The following DCTN1 variants were observed in gnomAD, a reference collection of about 807,000 sequenced individuals.
DCTN1 encodes the protein 150 kDa dynein-associated polypeptide.
DCTN1 carries 61 observed loss-of-function variants against 161.2 expected under a neutral mutation model. That is an observed-to-expected ratio of 0.38 (90% CI 0.31 to 0.47). DCTN1 has a LOEUF of 0.47. Ranked by LOEUF, DCTN1 falls within the 20% of genes least tolerant of loss-of-function variation. DCTN1 has a pLI of 0.99. For missense variants in DCTN1, 1,404 were observed against 1,623.7 expected (o/e 0.86, Z 2.33); for synonymous variants, 653 against 632.4 (o/e 1.03, Z -0.49).
chr2:74,377,347 T>C, intron 4 of DCTN1, 85 bp downstream of exon 4: 1 of 1,249,650 alleles, frequency 8.0e-7, no homozygotes, highest in Non-Finnish European at 1.2e-6. Flanking sequence ...CACCTACTAC[T>C]TCTACCTGCC....
chr2:74,368,032 A>G lies in DCTN1; in HGVS notation c.1954T>C (p.Phe652Leu). Residue 652 changes from phenylalanine (F) to leucine (L), a missense_variant, in exon 17 of 32, where the codon TTT (phenylalanine) becomes CTT (leucine). Coordinates refer to ENST00000628224, the MANE Select transcript of DCTN1 (RefSeq NM_004082.5). ...LRGAAGEQLSFAAGLVYSLSL... is the reference protein window; with the variant it reads ...LRGAAGEQLSLAAGLVYSLSL... The stretch of plus-strand genomic sequence containing the variant: ...AGCGAGTACACCAGTCCAGCAGCAA[A>G]GCTGAGTTGCTCCCCAGCAGCTCCT... 1 of 1,614,174 alleles carries G rather than the reference A, an allele frequency of 6.2e-7. No individual in the cohort carries two copies. The highest frequency in any genetic ancestry group is 8.5e-7 in the Non-Finnish European group (1 of 1,180,014).
upstream of DCTN1, among the ~76,000 whole-genome samples, chr2:74,382,468 C>T (rs1199181706): frequency 4.0e-5 from 6 of 151,658 alleles, no homozygotes; most frequent in East Asian, 9.8e-4. Context: ...GGTGTGGTGG[C>T]GCATACCTAT....
At chr2:74,386,312 T>C (rs765478271) in intron 1 of DCTN1, among the ~76,000 whole-genome samples, 1 of 152,184 alleles carries the variant, frequency 6.6e-6, no homozygotes, top group South Asian at 2.1e-4. Context: ...ATTCATCAAA[T>C]ACAAGCGCTA....
In DCTN1 at chr2:74,367,745, T is replaced by A; in HGVS notation, c.2135A>T (p.Asp712Val). The A allele has an allele frequency of 6.2e-7, 1 of 1,614,166 alleles. No individual in the cohort carries two copies. The highest frequency in any genetic ancestry group is 8.5e-7 in the Non-Finnish European group (1 of 1,180,028). Residue 712 changes from aspartate (D) to valine (V), a missense_variant, in exon 18 of 32, where the codon GAT becomes GTT. By Grantham distance (152) the Asp-to-Val change is radical. Coordinates refer to ENST00000628224, the MANE Select transcript of DCTN1 (RefSeq NM_004082.5). The stretch of plus-strand genomic sequence containing the variant: ...GAGAGGCTCCACATTGACAGTCTCA[T>A]CCAGCTGATCCTTGTGCAGCAGTTC... ...LIELLHKDQLDETVNVEPLTK... is the reference protein window; with the variant it reads ...LIELLHKDQLVETVNVEPLTK...
intron 1 of DCTN1, among the ~76,000 whole-genome samples, chr2:74,386,340 A>G (rs1675729157): frequency 1.3e-5 from 2 of 152,236 alleles, no homozygotes; most frequent in Admixed American, 6.5e-5. Context: ...TCTATGCCTC[A>G]ATTTCCTCTT....
At chr2:74,391,494 T>G (rs1675995576) in intron 1 of DCTN1, 1 of 305,288 alleles carries the variant, frequency 3.3e-6, no homozygotes, top group Non-Finnish European at 6.3e-6. Context: ...TGTAGCTCAG[T>G]ATGGATTCAG....
In DCTN1 at chr2:74,369,844, T is replaced by A; in HGVS notation, c.1392+121A>T. 1 of 835,196 alleles carries A rather than the reference T, an allele frequency of 1.2e-6. No individual in the cohort carries two copies. The highest frequency in any genetic ancestry group is 2.0e-6 in the Non-Finnish European group (1 of 512,442). The allele number at this position is 835,196 out of a possible 1,614,324, so 51.7% of individuals were successfully genotyped here. ...AAAAAAAAAAAAAAAAAAGGCAGGG[T>A]CAGGGTAGCAAGCCCAGGCTGGGTC... On this transcript the variant is annotated intron_variant, in intron 13 of 31. Coordinates refer to ENST00000628224, the MANE Select transcript of DCTN1 (RefSeq NM_004082.5). This position sits in a 1 kb window ranked among gnomAD's most constrained non-coding sequence, Gnocchi z 4.9.
Position 74,367,102 on chromosome 2 carries a change from C to G in DCTN1, c.2259G>C (p.Thr753=), listed in dbSNP as rs200275059. ...CACTCATGCAGTCCAGAGCACTCTG[C>G]GTGAACTGTGAGGATAGAAGCATGC... ...TMQLADHIKF[T]QSALDCMSVE... Residue 753 remains threonine, a synonymous_variant, in exon 20 of 32, where the codon ACG becomes ACC. Transcript: ENST00000628224. The G allele has an allele frequency of 6.8e-6, 11 of 1,614,056 alleles. No homozygotes were observed. The highest frequency in any genetic ancestry group is 6.7e-5 in the Admixed American group (4 of 60,000).
chr2:74,372,798 T>C, intron 7 of DCTN1, 130 bp downstream of exon 7: 1 of 997,264 alleles, frequency 1.0e-6, no homozygotes, highest in South Asian at 1.3e-5. Context: ...CCCCACCCTT[T>C]CCTCTGAAGA....
At chr2:74,363,999 T>C (rs1674217911) in intron 26 of DCTN1, 2 of 336,012 alleles carry the variant, frequency 6.0e-6, no homozygotes, top group African/African-American at 4.2e-5. Flanking sequence ...TCTGCACCCT[T>C]AGTGCTCACC....
Position 74,367,428 on chromosome 2 carries a change from G to C in DCTN1, c.2185-8C>G. Reference sequence around the variant, plus strand: ...GTGGATGCTGTACAGATGCTGAGGAGAGATAACAGACAGACAACTTTTAGG... The same window carrying C: ...GTGGATGCTGTACAGATGCTGAGGACAGATAACAGACAGACAACTTTTAGG... On this transcript the variant is annotated splice_polypyrimidine_tract_variant and splice_region_variant and intron_variant, in intron 18 of 31. Transcript: ENST00000628224. 1 of 1,614,110 alleles carries C rather than the reference G, an allele frequency of 6.2e-7. No individual in the cohort carries two copies. The highest frequency in any genetic ancestry group is 8.5e-7 in the Non-Finnish European group (1 of 1,180,020).
At chr2:74,371,505 T>C (rs1217605080) in intron 8 of DCTN1, 32 bp downstream of exon 8, 3 of 1,546,512 alleles carry the variant, frequency 1.9e-6, no homozygotes, top group Non-Finnish European at 2.6e-6. Flanking sequence ...CTGGGTGTCT[T>C]GATTCTCCTT....
chr2:74,362,990 A>G lies in DCTN1; in HGVS notation c.3529+4T>C, dbSNP rs1674127164. The G allele has an allele frequency of 6.2e-7, 1 of 1,611,722 alleles. No individual in the cohort carries two copies. Among genetic ancestry groups the G allele is most frequent in the South Asian group, 1.1e-5 (1 of 90,680 alleles). On this transcript the variant is annotated splice_donor_region_variant and intron_variant, in intron 29 of 31. Transcript: ENST00000628224. ...ATTCATCTTGGGGGTTGGCAGGTAC[A>G]TACCAGGGCTGGTGCGAGTGATGTC...
rs1558929829 is a variant in DCTN1 at position 74,361,210 on chromosome 2, CACTT to C, written c.*285_*288del. ...GTGAAGTCCTCAATCAAGGGGACCTCACTTAACCTTTGGTGGTGGGGTCTCAGCC... is the reference window on the plus strand; with the variant it reads ...GTGAAGTCCTCAATCAAGGGGACCTCAACCTTTGGTGGTGGGGTCTCAGCC... On this transcript the variant is annotated 3_prime_UTR_variant, in exon 32 of 32. Coordinates refer to ENST00000628224, the MANE Select transcript of DCTN1 (RefSeq NM_004082.5). The C allele has an allele frequency of 3.5e-6, 2 of 569,084 alleles. No homozygotes were observed. The highest frequency in any genetic ancestry group is 4.4e-5 in the Admixed American group (2 of 45,378). 35.3% of individuals were successfully genotyped at this position (569,084 alleles called of 1,614,324 possible).
At chr2:74,376,922 C>T (rs1287109283) in intron 4 of DCTN1, among the ~76,000 whole-genome samples, 160 bp from the exon 5 acceptor site, 1 of 152,138 alleles carries the variant, frequency 6.6e-6, no homozygotes, top group Non-Finnish European at 1.5e-5. Flanking sequence ...CACACCTTGG[C>T]CCAGAGAAGC....
Position 74,376,738 on chromosome 2 carries a change from C to T in DCTN1, c.414+4G>A, listed in dbSNP as rs750622804. The T allele has an allele frequency of 6.2e-6, 10 of 1,604,516 alleles. No individual in the cohort carries two copies. In the South Asian group the frequency reaches 1.1e-4, roughly 18 times the overall value. ...CACCCAGGCACAAATAGTAAACACA[C>T]CACCTTCTTAGGCTTCAGTCCCCGC... On this transcript the variant is annotated splice_donor_region_variant and intron_variant, in intron 5 of 31. Transcript: ENST00000628224.
In DCTN1 at chr2:74,370,234, C is replaced by T. The variant is rs1382773127; in HGVS notation, c.1239G>A (p.Gln413=). 1.2e-6 allele frequency: 2 copies of T among 1,614,026 alleles called. No individual in the cohort carries two copies. Among genetic ancestry groups the T allele is most frequent in the Non-Finnish European group, 1.7e-6 (2 of 1,180,034 alleles). The change falls in exon 12 of 32, where the codon CAG becomes CAA. Residue 413 remains glutamine (Q), a synonymous_variant. Transcript: ENST00000628224. This position sits in a 1 kb window ranked among gnomAD's most constrained non-coding sequence, Gnocchi z 4.4. ...EVVRQQRERL[Q]EELSQAESTI... ...TGCTCTCTGCCTGGCTTAGCTCCTC[C>T]TGCAGACGCTCCCGCTGTTGCCTCA...
At chr2:74,371,317 G>T in intron 8 of DCTN1, 141 bp from the exon 9 acceptor site, 1 of 1,572,890 alleles carries the variant, frequency 6.4e-7, no homozygotes, top group Non-Finnish European at 8.7e-7. Context: ...AAGAACATCT[G>T]AGAGGAAACC....
chr2:74,371,829 G>A, intron 7 of DCTN1, 101 bp from the exon 8 acceptor site: 4 of 960,126 alleles, frequency 4.2e-6, no homozygotes, highest in South Asian at 2.8e-5. Flanking sequence ...GAAGGAGACA[G>A]AAAAGGGAAA....
Sources: gnomAD v4.1 joint callset for allele counts (sites outside exome capture counted in the v4.1 genomes callset) on GRCh38, gnomAD v4.1.1 for gene constraint, Gnocchi (gnomAD v3.1) non-coding constraint, MANE v1.5 for transcripts, NCBI Gene and HGNC (gene_info 2026-07-23, HGNC 2026-07-21) for gene names.